Variants in GABRG3 observed in about 807,000 individuals in gnomAD.
GABRG3 encodes gamma-aminobutyric acid receptor subunit gamma-3.
In GABRG3, 25 loss-of-function variants were observed where a neutral mutation model predicts 48.8. That is an observed-to-expected ratio of 0.51 (90% CI 0.37 to 0.72). GABRG3 has a LOEUF of 0.72. Among genes scored for constraint, GABRG3 ranks in the 30% least tolerant of loss-of-function variants. The probability of loss-of-function intolerance (pLI) is 0.00; values close to 1 mark genes in which losing one functional copy is unlikely to be tolerated. For synonymous variants in GABRG3, 227 were observed against 217.6 expected (o/e 1.04, Z -0.38); for missense variants, 394 against 577.9 (o/e 0.68, Z 3.26).
chr15:27,526,107 A>G lies in GABRG3; in HGVS notation c.866-1326A>G, dbSNP rs531943197. Among the ~76,000 whole-genome samples the G allele has an allele frequency of 3.3e-5, 5 of 152,318 alleles. No individual in the cohort carries two copies. The East Asian group carries it at 9.6e-4, about 29-fold the overall frequency. On this transcript the variant is annotated intron_variant, in intron 7 of 9. Coordinates refer to ENST00000615808, the MANE Select transcript of GABRG3 (RefSeq NM_033223.5). ...CATTCTATTTTCACTGCACAAGTTA[A>G]GGAAACTGATTCAAAGATGGTAAGT...
intron 5 of GABRG3, chr15:27,364,131 C>T (rs970519729): frequency 6.6e-6 from 1 of 152,172 alleles, no homozygotes; most frequent in Non-Finnish European, 1.5e-5. Flanking sequence ...CTTCAGTAAA[C>T]GTTTTAAAAA....
chr15:27,340,103 A>G (rs992526374), intron 5 of GABRG3, among the ~76,000 whole-genome samples: 10 of 152,030 alleles, frequency 6.6e-5, no homozygotes, highest in Non-Finnish European at 1.2e-4. Context: ...CCCTTTCCCC[A>G]TCTGCAAGGT....
At chr15:27,250,361 C>T (rs1890415144) in intron 3 of GABRG3, among the ~76,000 whole-genome samples, 1 of 152,228 alleles carries the variant, frequency 6.6e-6, no homozygotes, top group Non-Finnish European at 1.5e-5. Flanking sequence ...CATTCACTTC[C>T]TCAGCAGCAC....
chr15:27,380,790 G>A (rs543140841), intron 5 of GABRG3, among the ~76,000 whole-genome samples: 2 of 142,092 alleles, frequency 1.4e-5, no homozygotes, highest in East Asian at 2.2e-4. Flanking sequence ...TTGAGACAGC[G>A]AGTCTCACTC....
At chr15:27,229,482 T>A (rs1311290320) in intron 3 of GABRG3, among the ~76,000 whole-genome samples, 2 of 151,892 alleles carry the variant, frequency 1.3e-5, no homozygotes, top group Non-Finnish European at 2.9e-5. Flanking sequence ...TGTTGTTGTT[T>A]GTTTGTTTTT....
chr15:27,266,622 G>A (rs982628423), intron 3 of GABRG3, among the ~76,000 whole-genome samples: 1 of 152,144 alleles, frequency 6.6e-6, no homozygotes, highest in Admixed American at 6.5e-5. Context: ...TATCATTTGG[G>A]AGAATTAGCT....
intron 2 of GABRG3, among the ~76,000 whole-genome samples, chr15:27,001,171 T>C (rs947642403): frequency 6.6e-6 from 1 of 152,242 alleles, no homozygotes; most frequent in African/African-American, 2.4e-5. Flanking sequence ...TTGCCTGATA[T>C]AGATTGTCTT....
intron 3 of GABRG3, among the ~76,000 whole-genome samples, chr15:27,313,262 GTA>G (rs1169926074): frequency 0.027 from 937 of 34,178 alleles, 11 homozygotes; most frequent in Middle Eastern, 0.04. Flanking sequence ...GTGTGTGTGT[GTA>G]TATATATATA....
At chr15:27,188,783 T>A (rs1888190539) in intron 3 of GABRG3, among the ~76,000 whole-genome samples, 1 of 152,246 alleles carries the variant, frequency 6.6e-6, no homozygotes, top group African/African-American at 2.4e-5. Context: ...TTTGGTGTTT[T>A]ACACATGAAG....
intron 3 of GABRG3, among the ~76,000 whole-genome samples, chr15:27,090,470 T>C (rs181284873): frequency 6.6e-6 from 1 of 152,346 alleles, no homozygotes; most frequent in Admixed American, 6.5e-5. Context: ...CAAAGTGTTT[T>C]CTATAGCAGC....
At chr15:27,392,208 G>A (rs538766223) in intron 5 of GABRG3, among the ~76,000 whole-genome samples, 5 of 151,990 alleles carry the variant, frequency 3.3e-5, no homozygotes, top group Admixed American at 2.0e-4. Context: ...TAGCCTCCAC[G>A]CTTTGTTCAT....
chr15:27,233,376 G>T (rs1222655891), intron 3 of GABRG3, among the ~76,000 whole-genome samples: 1 of 152,160 alleles, frequency 6.6e-6, no homozygotes. Context: ...CCCTGGAGTG[G>T]AAGAGAATTC....
chr15:27,214,175 G>A (rs1191571316), intron 3 of GABRG3, among the ~76,000 whole-genome samples: 1 of 152,182 alleles, frequency 6.6e-6, no homozygotes, highest in Non-Finnish European at 1.5e-5. Flanking sequence ...TTGCTGTGAA[G>A]ACAGAAGGCA....
intron 2 of GABRG3, among the ~76,000 whole-genome samples, chr15:27,001,620 A>G (rs561533016): frequency 6.6e-6 from 1 of 152,212 alleles, no homozygotes; most frequent in Non-Finnish European, 1.5e-5. Context: ...ACTCTTTATT[A>G]GGTCGTGTTT....
chr15:27,307,732 T>G (rs1892686830), intron 3 of GABRG3, among the ~76,000 whole-genome samples: 1 of 131,588 alleles, frequency 7.6e-6, no homozygotes, highest in Non-Finnish European at 1.6e-5. Context: ...TATATAAATA[T>G]ATAATCATAG....
intron 3 of GABRG3, among the ~76,000 whole-genome samples, chr15:27,220,859 T>A (rs986168494): frequency 1.3e-5 from 2 of 152,158 alleles, no homozygotes; most frequent in African/African-American, 4.8e-5. Context: ...CTAAGGGGGA[T>A]CTCTGCCCTG....
intron 5 of GABRG3, among the ~76,000 whole-genome samples, chr15:27,441,799 C>T (rs1888794015): frequency 6.6e-6 from 1 of 152,112 alleles, no homozygotes; most frequent in African/African-American, 2.4e-5. Context: ...GAGTTGTTCC[C>T]ATGACACTCA....
In GABRG3 at chr15:27,168,637, C is replaced by G. The variant is rs150274174; in HGVS notation, c.270+141816C>G. On this transcript the variant is annotated intron_variant, in intron 3 of 9. Transcript: ENST00000615808. ...GAGGTGTTAGGTCCCAGTGGGGAGC[C>G]TTCGTGAATGGGATTATTTCCCTCA... Among the ~76,000 whole-genome samples the G allele has an allele frequency of 5.9e-3, 902 of 152,248 alleles. 3 individuals carry two copies. The highest frequency in any genetic ancestry group is 0.011 in the Non-Finnish European group (724 of 68,016).
At chr15:27,064,265 G>A (rs891498383) in intron 3 of GABRG3, among the ~76,000 whole-genome samples, 3 of 152,160 alleles carry the variant, frequency 2.0e-5, no homozygotes, top group South Asian at 4.1e-4. Context: ...ATGGCCACAC[G>A]TCACTCTGGT....
Sources: gnomAD v4.1 joint callset for allele counts (sites outside exome capture counted in the v4.1 genomes callset) on GRCh38, gnomAD v4.1.1 for gene constraint, MANE v1.5 for transcripts, NCBI Gene and HGNC (gene_info 2026-07-23, HGNC 2026-07-21) for gene names.